ZNF182: variants seen among roughly 807,000 people sequenced by gnomAD.
The protein encoded by ZNF182 is zinc finger protein 182.
ZNF182 carries 10 observed loss-of-function variants against 28.1 expected under a neutral mutation model. That is an observed-to-expected ratio of 0.36 (90% CI 0.22 to 0.60). The LOEUF (loss-of-function observed/expected upper bound fraction) is 0.60. Ranked by LOEUF, ZNF182 falls within the 20% of genes least tolerant of loss-of-function variation. The probability of loss-of-function intolerance (pLI) is 0.75; values close to 1 mark genes in which losing one functional copy is unlikely to be tolerated. For synonymous variants in ZNF182, 156 were observed against 158.7 expected, an observed-to-expected ratio of 0.98 and a Z score of 0.13; for missense variants, 352 against 453.2, an observed-to-expected ratio of 0.78 and a Z score of 2.03.
chrX:47,999,568 G>A (rs1055067643), intron 3 of ZNF182, among the ~76,000 whole-genome samples: 1 of 110,108 alleles, frequency 9.1e-6, no homozygotes, highest in African/African-American at 3.3e-5. Context: ...AAGGGTTGCG[G>A]GGTGGGTAGC....
chrX:47,977,217 A>G lies in ZNF182; in HGVS notation c.813T>C (p.Phe271=). Residue 271 remains phenylalanine (F), a synonymous_variant, in exon 6 of 6, where the codon TTT becomes TTC. Transcript: ENST00000376943. The part of the protein sequence containing the change: ...HLRTHTGERP[F]ECPECGKAFR... Reference sequence around the variant, plus strand: ...AGGCTTTTCCACATTCAGGACACTCAAAGGGTCTCTCTCCTGTATGAGTTC... The same window carrying G: ...AGGCTTTTCCACATTCAGGACACTCGAAGGGTCTCTCTCCTGTATGAGTTC... 1 of 1,208,851 alleles carries G rather than the reference A, an allele frequency of 8.3e-7. No homozygotes were observed. The highest frequency in any genetic ancestry group is 1.1e-6 in the Non-Finnish European group (1 of 894,532).
At chrX:48,002,532 T>G in intron 3 of ZNF182, 63 bp downstream of exon 3, 4 of 1,180,640 alleles carry the variant, frequency 3.4e-6, no homozygotes, top group Non-Finnish European at 3.5e-6. Flanking sequence ...TGGCAGGGAT[T>G]TCCACATATT....
chrX:47,999,972 C>T (rs782417646), intron 3 of ZNF182, among the ~76,000 whole-genome samples: 2 of 110,217 alleles, frequency 1.8e-5, no homozygotes, highest in Non-Finnish European at 3.8e-5. Flanking sequence ...CCCGTCTCTA[C>T]TAAAAATACA....
chrX:47,988,879 AC>A (rs1196174598), intron 3 of ZNF182, among the ~76,000 whole-genome samples: 1 of 112,053 alleles, frequency 8.9e-6, no homozygotes, highest in Non-Finnish European at 1.9e-5. Flanking sequence ...TAGTAAAATG[AC>A]AATAAATACA....
At chrX:47,979,188 T>G (rs782190202) in intron 5 of ZNF182, among the ~76,000 whole-genome samples, 2 of 112,556 alleles carry the variant, frequency 1.8e-5, no homozygotes, top group African/African-American at 3.2e-5. Flanking sequence ...TCAATAGTGT[T>G]AACATTTTGC....
chrX:48,003,408 C>G (rs2058985817), intron 2 of ZNF182, 100 bp downstream of exon 2: 1 of 112,685 alleles, frequency 8.9e-6, no homozygotes, highest in Non-Finnish European at 1.9e-5. Context: ...ACCCCCATCT[C>G]CCTCAGACCC....
chrX:47,997,260 A>G (rs1490252774), intron 3 of ZNF182, among the ~76,000 whole-genome samples: 1 of 105,913 alleles, frequency 9.4e-6, no homozygotes, highest in Non-Finnish European at 1.9e-5. Flanking sequence ...TCAAGGCTGC[A>G]GTGAGCTGAG....
chrX:47,977,073 T>C lies in ZNF182; in HGVS notation c.957A>G (p.Lys319=). 8.3e-7 allele frequency: 1 copy of C among 1,210,905 alleles called. No individual in the cohort carries two copies. Among genetic ancestry groups the C allele is most frequent in the South Asian group, 1.8e-5 (1 of 56,625 alleles). The change falls in exon 6 of 6, where the codon AAA becomes AAG. Residue 319 remains lysine (K), a synonymous_variant. Coordinates refer to ENST00000376943, the MANE Select transcript of ZNF182 (RefSeq NM_001007088.2). ...CATAGGTTTTCTCTCCAGTGTGGGT[T>C]TTCTGATGGACAATGAGGTTGGACT... ...TQKSNLIVHQ[K]THTGEKTYEC...
In ZNF182 at chrX:47,976,322, G is replaced by A; in HGVS notation, c.1708C>T (p.Gln570Ter). Residue 570 changes from glutamine (Q) to a stop codon, truncating the protein, a stop_gained, in exon 6 of 6, where the codon CAA (glutamine) becomes TAA (stop). Coordinates refer to ENST00000376943, the MANE Select transcript of ZNF182 (RefSeq NM_001007088.2). LOFTEE classifies it high-confidence loss of function. ...FREKSTFTVHQRTHTGEKPYK... is the reference protein window; with the variant it reads ...FREKSTFTVH ...GGTTTCTCTCCAGTATGAGTTCTTTGATGTACAGTGAATGTTGACTTTTCT... is the reference window on the plus strand; with the variant it reads ...GGTTTCTCTCCAGTATGAGTTCTTTAATGTACAGTGAATGTTGACTTTTCT... The A allele has an allele frequency of 8.3e-7, 1 of 1,207,003 alleles. No individual in the cohort carries two copies. Among genetic ancestry groups the A allele is most frequent in the Non-Finnish European group, 1.1e-6 (1 of 893,756 alleles).
chrX:48,002,517 T>C (rs1238243675), intron 3 of ZNF182, 78 bp downstream of exon 3: 1 of 1,168,600 alleles, frequency 8.6e-7, no homozygotes, highest in Non-Finnish European at 1.2e-6. Flanking sequence ...TACTTTCCTA[T>C]TTTATGGCAG....
In ZNF182 at chrX:47,982,991, C is replaced by A; in HGVS notation, c.190G>T (p.Glu64Ter). The A allele has an allele frequency of 8.3e-7, 1 of 1,211,519 alleles. No individual in the cohort carries two copies. Among genetic ancestry groups the A allele is most frequent in the South Asian group, 1.8e-5 (1 of 56,983 alleles). ...PNLILKLEVEECPAEGKIPFW... is the reference protein window; with the variant it reads ...PNLILKLEVE ...GGGATTTTTCCTTCTGCCGGGCATT[C>A]TTCTACCTCCAACTTGAGGATGAGG... The change falls in exon 5 of 6, where the codon GAA becomes TAA. Residue 64 changes from glutamate to a stop codon, truncating the protein, a stop_gained. Transcript: ENST00000376943. LOFTEE classifies it high-confidence loss of function.
At chrX:47,978,892 A>G (rs1332776690) in intron 5 of ZNF182, among the ~76,000 whole-genome samples, 1 of 112,612 alleles carries the variant, frequency 8.9e-6, no homozygotes, top group East Asian at 2.8e-4. Flanking sequence ...AATTGCAAGC[A>G]GCACATTATT....
At chrX:48,001,351 C>T (rs1398439929) in intron 3 of ZNF182, among the ~76,000 whole-genome samples, 1 of 112,348 alleles carries the variant, frequency 8.9e-6, no homozygotes, top group Non-Finnish European at 1.9e-5. Context: ...TACTATTCAG[C>T]AATAACAAAG....
rs1301822153 is a variant in ZNF182, at chrX:47,975,599, T to C, written c.*568A>G. 1.8e-5 allele frequency: 2 copies of C among 109,677 alleles called. No individual in the cohort carries two copies. Among genetic ancestry groups the C allele is most frequent in the Non-Finnish European group, 3.8e-5 (2 of 52,620 alleles). The allele number at this position is 109,677 out of a possible 1,213,427, so 9.0% of individuals were successfully genotyped here. Reference sequence around the variant, plus strand: ...ACTTTACTTCTCCCAAGTCAGTAAATAGGGGCAGCTGTAGGGCTCTTCACA... The same window carrying C: ...ACTTTACTTCTCCCAAGTCAGTAAACAGGGGCAGCTGTAGGGCTCTTCACA... On this transcript the variant is annotated 3_prime_UTR_variant, in exon 6 of 6. Coordinates refer to ENST00000376943, the MANE Select transcript of ZNF182 (RefSeq NM_001007088.2).
At chrX:47,991,589 G>C (rs2058941721) in intron 3 of ZNF182, among the ~76,000 whole-genome samples, 1 of 111,651 alleles carries the variant, frequency 9.0e-6, no homozygotes, top group Non-Finnish European at 1.9e-5. Context: ...AGATAGAAAT[G>C]GTAGACTTCT....
At position 48,003,674 on chromosome X, in the gene ZNF182, G is replaced by C. The variant is rs1372984913; in HGVS notation, c.-211C>G. The C allele has an allele frequency of 8.9e-6, 1 of 112,217 alleles. No homozygotes were observed. Among genetic ancestry groups the C allele is most frequent in the African/African-American group, 3.2e-5 (1 of 30,857 alleles). 9.2% of individuals were successfully genotyped at this position (112,217 alleles called of 1,213,427 possible). ...GTCTAAAGAGGGGTCTGAGGGATGCGCATGAACCTTTAGGGGCAGGTCACT... is the reference window on the plus strand; with the variant it reads ...GTCTAAAGAGGGGTCTGAGGGATGCCCATGAACCTTTAGGGGCAGGTCACT... On this transcript the variant is annotated 5_prime_UTR_variant, in exon 2 of 6. Transcript: ENST00000376943.
intron 3 of ZNF182, among the ~76,000 whole-genome samples, chrX:48,000,284 G>A (rs1297972309): frequency 4.5e-5 from 5 of 111,361 alleles, no homozygotes; most frequent in African/African-American, 6.5e-5. Flanking sequence ...CAAAAGAGCC[G>A]GGCGCGGTGG....
At chrX:47,990,237 T>A in intron 3 of ZNF182, among the ~76,000 whole-genome samples, 1 of 111,251 alleles carries the variant, frequency 9.0e-6, no homozygotes, top group Non-Finnish European at 1.9e-5. Flanking sequence ...GCAAGAGCCT[T>A]CCTCCAAAAA....
At position 47,983,009 on chromosome X, in the gene ZNF182, G is replaced by C. The variant is rs1556899334; in HGVS notation, c.172C>G (p.Leu58Val). 8.3e-7 allele frequency: 1 copy of C among 1,211,544 alleles called. No individual in the cohort carries two copies. Among genetic ancestry groups the C allele is most frequent in the African/African-American group, 1.7e-5 (1 of 57,767 alleles). ...GGGCATTCTTCTACCTCCAACTTGAGGATGAGGTTTGGTTTGGTAACCTGC... is the reference window on the plus strand; with the variant it reads ...GGGCATTCTTCTACCTCCAACTTGACGATGAGGTTTGGTTTGGTAACCTGC... ...GQQVTKPNLILKLEVEECPAE... is the reference protein window; with the variant it reads ...GQQVTKPNLIVKLEVEECPAE... The change falls in exon 5 of 6, where the codon CTC becomes GTC. Residue 58 changes from leucine to valine, a missense_variant. Physicochemically the swap from Leu to Val is conservative, Grantham distance 32. Transcript: ENST00000376943.
Sources: allele counts gnomAD v4.1 joint callset (sites outside exome capture counted in the v4.1 genomes callset), GRCh38; gene constraint gnomAD v4.1.1; transcripts MANE v1.5; gene names NCBI Gene and HGNC (gene_info 2026-07-23, HGNC 2026-07-21).